Variants in EPHB1 observed in about 807,000 individuals in gnomAD.
The protein encoded by EPHB1 is ephrin type-B receptor 1.
In EPHB1, 30 loss-of-function variants were observed where a neutral mutation model predicts 94.4. That is an observed-to-expected ratio of 0.32 (90% CI 0.24 to 0.43). The LOEUF (loss-of-function observed/expected upper bound fraction) is 0.43. Among genes scored for constraint, EPHB1 ranks in the 20% least tolerant of loss-of-function variants. The probability of loss-of-function intolerance (pLI) is 1.00; values close to 1 mark genes in which losing one functional copy is unlikely to be tolerated. For missense variants in EPHB1, 1,055 were observed against 1,308.3 expected (o/e 0.81, Z 2.99); for synonymous variants, 522 against 489.1 (o/e 1.07, Z -0.89).
At chr3:135,121,652 C>G (rs191001077) in intron 4 of EPHB1, among the ~76,000 whole-genome samples, 4 of 152,186 alleles carry the variant, frequency 2.6e-5, no homozygotes, top group Non-Finnish European at 5.9e-5. Flanking sequence ...GACACTAGAT[C>G]AGAGGTGCTG....
chr3:134,865,248 T>C (rs781508777), intron 1 of EPHB1, among the ~76,000 whole-genome samples: 3 of 152,220 alleles, frequency 2.0e-5, no homozygotes, highest in Non-Finnish European at 2.9e-5. Flanking sequence ...ACTATCTTAT[T>C]TCATTGAAAA....
intron 3 of EPHB1, among the ~76,000 whole-genome samples, chr3:134,992,256 G>A (rs1254710925): frequency 2.0e-5 from 3 of 152,132 alleles, no homozygotes; most frequent in Non-Finnish European, 4.4e-5. Context: ...GCTGCTCTTG[G>A]AGAAGATGAC....
chr3:134,845,358 A>G (rs1050537040), intron 1 of EPHB1, among the ~76,000 whole-genome samples: 1 of 152,232 alleles, frequency 6.6e-6, no homozygotes, highest in African/African-American at 2.4e-5. Flanking sequence ...CATCCATTCA[A>G]CCAGCTGTCC....
intron 1 of EPHB1, among the ~76,000 whole-genome samples, chr3:134,799,802 GA>G (rs1309550249): frequency 6.6e-6 from 1 of 152,180 alleles, no homozygotes; most frequent in African/African-American, 2.4e-5. Context: ...TGTGCTATAA[GA>G]AAAGCCCATG....
intron 12 of EPHB1, among the ~76,000 whole-genome samples, chr3:135,205,156 T>A (rs566790770): frequency 6.6e-6 from 1 of 152,164 alleles, no homozygotes; most frequent in South Asian, 2.1e-4. Flanking sequence ...TAGTACTCCA[T>A]TGTGTATAAG....
intron 1 of EPHB1, among the ~76,000 whole-genome samples, chr3:134,822,442 GGCACTAACCAA>G (rs1365111475): frequency 6.6e-6 from 1 of 151,776 alleles, no homozygotes; most frequent in African/African-American, 2.4e-5. Flanking sequence ...GGGTGATGGG[GGCACTAACCAA>G]CATATATTTA....
At chr3:135,254,837 A>G (rs996694834) in intron 15 of EPHB1, among the ~76,000 whole-genome samples, 1 of 152,120 alleles carries the variant, frequency 6.6e-6, no homozygotes, top group African/African-American at 2.4e-5. Flanking sequence ...CTGTGAATCC[A>G]TCTGGTCCTG....
chr3:134,993,850 T>A lies in EPHB1; in HGVS notation c.805+41798T>A, dbSNP rs1934900993. Among the ~76,000 whole-genome samples the A allele has an allele frequency of 1.3e-5, 2 of 152,240 alleles. 1 individual carries two copies. Among genetic ancestry groups the A allele is most frequent in the South Asian group, 4.1e-4 (2 of 4,830 alleles). ...ATCTTACAGGGTTTCTACCTCTGTG[T>A]TCCAGCCACATTTAAAGTCTTGGGT... is the stretch of plus-strand genomic sequence containing the variant. On this transcript the variant is annotated intron_variant, in intron 3 of 15. Transcript: ENST00000398015.
chr3:135,203,144 C>T (rs1324603999), intron 12 of EPHB1, among the ~76,000 whole-genome samples: 2 of 152,170 alleles, frequency 1.3e-5, no homozygotes, highest in African/African-American at 4.8e-5. Flanking sequence ...TACATGTTCT[C>T]ACTCATAAGT....
intron 2 of EPHB1, among the ~76,000 whole-genome samples, chr3:134,942,682 G>C (rs932515099): frequency 6.6e-6 from 1 of 152,230 alleles, no homozygotes; most frequent in South Asian, 2.1e-4. Flanking sequence ...GGTGGTCGAA[G>C]CCTTGTATAT....
At chr3:134,995,639 T>A (rs1934965251) in intron 3 of EPHB1, among the ~76,000 whole-genome samples, 1 of 152,054 alleles carries the variant, frequency 6.6e-6, no homozygotes, top group South Asian at 2.1e-4. Flanking sequence ...ATAAAAAAAA[T>A]GATTACAACA....
chr3:134,805,850 G>A (rs1008585464), intron 1 of EPHB1, among the ~76,000 whole-genome samples: 1 of 152,126 alleles, frequency 6.6e-6, no homozygotes, highest in Non-Finnish European at 1.5e-5. Flanking sequence ...TGCCCTCTGG[G>A]TGCCCTCACA....
chr3:135,233,715 C>A (rs1473301175), intron 12 of EPHB1, among the ~76,000 whole-genome samples: 1 of 152,256 alleles, frequency 6.6e-6, no homozygotes, highest in Non-Finnish European at 1.5e-5. Flanking sequence ...CTGCAGCAAA[C>A]TTCTGCCTGG....
At chr3:135,056,878 G>A (rs1386793524) in intron 3 of EPHB1, among the ~76,000 whole-genome samples, 1 of 152,176 alleles carries the variant, frequency 6.6e-6, no homozygotes, top group African/African-American at 2.4e-5. Flanking sequence ...CCCAAGGGCT[G>A]CCATGCTGGG....
chr3:135,002,875 G>T (rs1935235924), intron 3 of EPHB1, among the ~76,000 whole-genome samples: 1 of 151,760 alleles, frequency 6.6e-6, no homozygotes, highest in African/African-American at 2.4e-5. Flanking sequence ...CTTGCTAGCG[G>T]TCTATCAATT....
intron 4 of EPHB1, among the ~76,000 whole-genome samples, chr3:135,125,153 C>CTTTA (rs1940147791): frequency 1.3e-5 from 2 of 151,796 alleles, no homozygotes; most frequent in South Asian, 4.1e-4. Flanking sequence ...AAATTACTTA[C>CTTTA]CAGTCTGTCC....
intron 3 of EPHB1, among the ~76,000 whole-genome samples, chr3:135,093,593 G>C (rs961593261): frequency 5.9e-5 from 9 of 151,868 alleles, no homozygotes; most frequent in African/African-American, 2.2e-4. Flanking sequence ...CTGGTGGCAC[G>C]TGCCTGTAGT....
At chr3:134,851,202 C>G (rs1213585238) in intron 1 of EPHB1, among the ~76,000 whole-genome samples, 1 of 152,226 alleles carries the variant, frequency 6.6e-6, no homozygotes, top group Non-Finnish European at 1.5e-5. Flanking sequence ...AAAGGCAGAG[C>G]CCAGCAGGGC....
At chr3:135,251,330 G>A (rs972382110) in intron 15 of EPHB1, among the ~76,000 whole-genome samples, 17 of 152,170 alleles carry the variant, frequency 1.1e-4, no homozygotes, top group African/African-American at 4.1e-4. Context: ...GAGGGACTGA[G>A]TTCAGGGATA....
Sources: allele counts gnomAD v4.1 joint callset (sites outside exome capture counted in the v4.1 genomes callset), GRCh38; gene constraint gnomAD v4.1.1; transcripts MANE v1.5; gene names NCBI Gene and HGNC (gene_info 2026-07-23, HGNC 2026-07-21).